The following OTUD5 variants were observed in gnomAD, a reference collection of about 807,000 sequenced individuals.
OTUD5 encodes OTU domain-containing protein 5.
In OTUD5, 2 loss-of-function variants were observed where a neutral mutation model predicts 36.3. The ratio of observed to expected loss-of-function variants is 0.06; its 90% CI spans 0.02 to 0.17. The LOEUF (loss-of-function observed/expected upper bound fraction) is 0.17, where lower values mean the gene tolerates loss of function less well. Ranked by LOEUF, OTUD5 falls within the 10% of genes least tolerant of loss-of-function variation. OTUD5 has a pLI of 1.00. For missense variants in OTUD5, 233 were observed against 512.3 expected (o/e 0.45, Z 5.26); for synonymous variants, 234 against 214.9 (o/e 1.09, Z -0.78).
rs376798270 is a variant in OTUD5 at position 48,923,810 on chromosome X, C to A, written c.1465+41G>T. On this transcript the variant is annotated intron_variant, in intron 7 of 8. Transcript: ENST00000376488. ...CCAGGACCCAGGACCCAGGACGTGC[C>A]TCCTAACTCCCAGCACATTCCCTGT... The A allele has an allele frequency of 2.3e-5, 27 of 1,197,313 alleles. 1 individual carries two copies. In the African/African-American group the frequency reaches 2.8e-4, roughly 12 times the overall value.
chrX:48,923,979 C>T lies in OTUD5; in HGVS notation c.1337G>A (p.Arg446Gln), dbSNP rs782038522. Residue 446 changes from arginine to glutamine, a missense_variant, in exon 7 of 9, where the codon CGG (arginine) becomes CAG (glutamine). By Grantham distance (43) the Arg-to-Gln change is conservative (BLOSUM62 1). Transcript: ENST00000376488. ...ASSGLEEWTS[R>Q]SPRQRSSASS... ...GGCTGAACTCCGCTGCCGCGGGGAC[C>T]GGCTAGTCCACTCCTCCAGGCCACT... 2.5e-6 allele frequency: 3 copies of T among 1,209,178 alleles called. No homozygotes were observed. The highest frequency in any genetic ancestry group is 1.8e-5 in the South Asian group (1 of 56,532).
At chrX:48,924,475 C>T (rs988972354) in intron 6 of OTUD5, among the ~76,000 whole-genome samples, 1 of 111,642 alleles carries the variant, frequency 9.0e-6, no homozygotes, top group African/African-American at 3.3e-5. Context: ...ACATCCTGTC[C>T]GTCCTCTGCT....
chrX:48,935,074 G>C, intron 2 of OTUD5, 56 bp from the exon 3 acceptor site: 1 of 1,051,651 alleles, frequency 9.5e-7, no homozygotes, highest in East Asian at 3.1e-5. Flanking sequence ...GAAGAGCTCT[G>C]AATCATAGAA....
intron 1 of OTUD5, among the ~76,000 whole-genome samples, chrX:48,954,354 T>C (rs1225793557): frequency 1.8e-5 from 2 of 111,088 alleles, no homozygotes; most frequent in Non-Finnish European, 3.8e-5. Context: ...TAGGATGTTC[T>C]TTCTCTCTGT....
intron 1 of OTUD5, among the ~76,000 whole-genome samples, chrX:48,949,665 G>A (rs1229053965): frequency 9.2e-6 from 1 of 108,668 alleles, no homozygotes; most frequent in African/African-American, 3.4e-5. Flanking sequence ...GTGACACAGC[G>A]AGACTCCATC....
At chrX:48,938,503 G>A (rs955607292) in intron 2 of OTUD5, among the ~76,000 whole-genome samples, 25 of 110,453 alleles carry the variant, frequency 2.3e-4, no homozygotes, top group African/African-American at 7.3e-4. Flanking sequence ...GACCAGCCGA[G>A]CCAACATGGT....
Position 48,934,793 on chromosome X carries a change from G to A in OTUD5, c.828C>T (p.Asn276=). The change falls in exon 4 of 9, where the codon AAC becomes AAT. Residue 276 remains asparagine (N), a synonymous_variant. Coordinates refer to ENST00000376488, the MANE Select transcript of OTUD5 (RefSeq NM_001136157.2). ...FTTYINRKRK[N]NCHGNHIEMQ... ...TCTCAATGTGGTTGCCATGGCAATT[G>A]TTTTTCCGCTTCCTGTTAATGTAGG... is the stretch of plus-strand genomic sequence containing the variant. The A allele has an allele frequency of 8.3e-7, 1 of 1,210,367 alleles. No homozygotes were observed. Among genetic ancestry groups the A allele is most frequent in the Non-Finnish European group, 1.1e-6 (1 of 894,171 alleles).
chrX:48,945,254 TG>T (rs1341441531), intron 1 of OTUD5, among the ~76,000 whole-genome samples: 1 of 106,628 alleles, frequency 9.4e-6, no homozygotes, highest in African/African-American at 3.5e-5. Flanking sequence ...CAAAAAGCTT[TG>T]AAAATCAAGT....
chrX:48,929,445 G>C (rs2063717821), intron 5 of OTUD5, among the ~76,000 whole-genome samples: 1 of 110,332 alleles, frequency 9.1e-6, no homozygotes, highest in South Asian at 3.8e-4. Flanking sequence ...TCTATGGCCA[G>C]CGCGGTGGCT....
chrX:48,945,342 C>T (rs1167673400), intron 1 of OTUD5, among the ~76,000 whole-genome samples: 4 of 100,957 alleles, frequency 4.0e-5, no homozygotes, highest in Non-Finnish European at 7.9e-5. Flanking sequence ...ACTATCTCGG[C>T]TCACTGCAAG....
chrX:48,926,147 A>C, intron 5 of OTUD5, 97 bp from the exon 6 acceptor site: 1 of 621,527 alleles, frequency 1.6e-6, no homozygotes, highest in Non-Finnish European at 2.6e-6. Flanking sequence ...GGCCCCAGAA[A>C]AAAAAGGAGA....
At chrX:48,928,763 G>C (rs1841413217) in intron 5 of OTUD5, among the ~76,000 whole-genome samples, 1 of 105,235 alleles carries the variant, frequency 9.5e-6, no homozygotes, top group East Asian at 3.0e-4. Context: ...AAACCCAGGA[G>C]GTAAAGGCTG....
chrX:48,957,683 A>T, upstream of OTUD5: 7 of 796,137 alleles, frequency 8.8e-6, no homozygotes, highest in Non-Finnish European at 1.1e-5. Context: ...CGAGACCCGG[A>T]TAAAGGGATC....
chrX:48,956,561 G>A (rs1557055327), intron 1 of OTUD5, among the ~76,000 whole-genome samples: 1 of 111,348 alleles, frequency 9.0e-6, no homozygotes, highest in Non-Finnish European at 1.9e-5. Flanking sequence ...CCTGGAAGGG[G>A]AATCTCAAAC....
Position 48,957,555 on chromosome X carries a change from T to G in OTUD5, c.16A>C (p.Lys6Gln), listed in dbSNP as rs2064273916. 1 of 826,556 alleles carries G rather than the reference T, an allele frequency of 1.2e-6. No homozygotes were observed. Among genetic ancestry groups the G allele is most frequent in the Admixed American group, 7.6e-5 (1 of 13,074 alleles). 68.1% of individuals were successfully genotyped at this position (826,556 alleles called of 1,213,427 possible). Residue 6 changes from lysine (K) to glutamine (Q), a missense_variant, in exon 1 of 9, where the codon AAA becomes CAA. This residue lies in a region of OTUD5 where 155 missense variants were observed against 217.2 expected (regional missense o/e 0.71). Transcript: ENST00000376488. The part of the protein sequence containing the change: MTILP[K>Q]KKPPPPDADP... ...GCGTCGGGAGGCGGCGGCTTCTTTT[T>G]GGGGAGTATAGTCATGGCTGCACTG...
At chrX:48,949,143 G>GTTCCC (rs1226174691) in intron 1 of OTUD5, among the ~76,000 whole-genome samples, 1 of 112,010 alleles carries the variant, frequency 8.9e-6, no homozygotes, top group Non-Finnish European at 1.9e-5. Context: ...CACTTAATGA[G>GTTCCC]TTCCCTTCCC....
At position 48,934,479 on chromosome X, in the gene OTUD5, T is replaced by G. The variant is rs782342132; in HGVS notation, c.1044A>C (p.Pro348=). ...KATIGVGLGL[P]SFKPGFAEQS... ...ACCCACTCACCCCTGGTTTGAATGA[T>G]GGCAGGCCCAGCCCCACACCAATGG... The change falls in exon 5 of 9, where the codon CCA becomes CCC. Residue 348 remains proline, a synonymous_variant. Transcript: ENST00000376488. 19 of 1,210,702 alleles carry G rather than the reference T, an allele frequency of 1.6e-5. No homozygotes were observed. In the South Asian group the frequency reaches 3.0e-4, roughly 19 times the overall value.
upstream of OTUD5, chrX:48,958,377 GT>G (rs1251353648): frequency 2.7e-5 from 3 of 112,409 alleles, no homozygotes; most frequent in East Asian, 5.6e-4. Context: ...GCTGGCCCCT[GT>G]AGCGTCACTT....
At chrX:48,947,663 A>G (rs2064054954) in intron 1 of OTUD5, among the ~76,000 whole-genome samples, 1 of 107,134 alleles carries the variant, frequency 9.3e-6, no homozygotes, top group Admixed American at 1.0e-4. Context: ...AGATCGCACC[A>G]TTGCACTCCA....
Sources: allele counts gnomAD v4.1 joint callset (sites outside exome capture counted in the v4.1 genomes callset), GRCh38; gene constraint gnomAD v4.1.1; regional missense constraint gnomAD v4.1.1; transcripts MANE v1.5; gene names NCBI Gene and HGNC (gene_info 2026-07-23, HGNC 2026-07-21).